Variants in FXYD6 observed in about 807,000 individuals in gnomAD.
FXYD6 encodes FXYD domain-containing ion transport regulator 6.
Under a neutral mutation model 16.7 loss-of-function variants are expected in FXYD6, and 7 were observed. That is an observed-to-expected ratio of 0.42 (90% CI 0.24 to 0.79). The LOEUF (loss-of-function observed/expected upper bound fraction) is 0.79. FXYD6 is among the 30% of genes least tolerant of loss of function. FXYD6 has a pLI of 0.28. For synonymous variants in FXYD6, 49 were observed against 43.0 expected (o/e 1.14, Z -0.54); for missense variants, 111 against 116.2 (o/e 0.95, Z 0.21).
intron 1 of FXYD6, among the ~76,000 whole-genome samples, chr11:117,853,547 G>T (rs956590053): frequency 1.3e-5 from 2 of 152,192 alleles, no homozygotes; most frequent in African/African-American, 4.8e-5. Context: ...ACTCAGGCTG[G>T]AGTATAGTGG....
intron 1 of FXYD6, among the ~76,000 whole-genome samples, chr11:117,848,514 C>T (rs907594498): frequency 6.6e-6 from 1 of 151,682 alleles, no homozygotes; most frequent in East Asian, 1.9e-4. Flanking sequence ...TTGTATTAAC[C>T]TTGCCTGGTT....
chr11:117,858,622 C>CA (rs1387365285), intron 1 of FXYD6, among the ~76,000 whole-genome samples: 1 of 148,876 alleles, frequency 6.7e-6, no homozygotes, highest in Non-Finnish European at 1.5e-5. Flanking sequence ...GATTCTGCTT[C>CA]ATTTTCTTTT....
chr11:117,841,031 C>G, intron 5 of FXYD6, 117 bp downstream of exon 5: 1 of 1,347,436 alleles, frequency 7.4e-7, no homozygotes, highest in South Asian at 1.3e-5. Flanking sequence ...CCAACACACA[C>G]GTTCTGCCTC....
In FXYD6 at chr11:117,839,666, T is replaced by C. The variant is rs117338706; in HGVS notation, c.*21+115A>G. 5.5e-3 allele frequency: 7,036 copies of C among 1,281,846 alleles called. 26 individuals are homozygous for C. The highest frequency in any genetic ancestry group is 7.2e-3 in the Non-Finnish European group (6,397 of 894,312). The allele number at this position is 1,281,846 out of a possible 1,614,324, so 79.4% of individuals were successfully genotyped here. On this transcript the variant is annotated intron_variant, in intron 7 of 7. Coordinates refer to ENST00000526014, the MANE Select transcript of FXYD6 (RefSeq NM_022003.4). ...AGGCTCCTCAGGGCAGGGCCCATAA[T>C]AAAAGCTGTGCCCACTGCAAAAGCT...
chr11:117,838,492 T>C (rs1157587643), intron 7 of FXYD6: 5 of 597,998 alleles, frequency 8.4e-6, no homozygotes, highest in Non-Finnish European at 1.5e-5. Context: ...GGAAAGGAAA[T>C]TGTTAAACCC....
At chr11:117,844,893 T>C (rs1466920132) in intron 1 of FXYD6, among the ~76,000 whole-genome samples, 1 of 152,242 alleles carries the variant, frequency 6.6e-6, no homozygotes, top group Non-Finnish European at 1.5e-5. Flanking sequence ...GCTAGAGATC[T>C]GCTGTATAAC....
rs1301146545 is a variant in FXYD6 at position 117,838,365 on chromosome 11, A to C, written c.*22-88T>G. 8.6e-6 allele frequency: 6 copies of C among 697,094 alleles called. No homozygotes were observed. The African/African-American group carries it at 1.1e-4, about 12-fold the overall frequency. 43.2% of individuals were successfully genotyped at this position (697,094 alleles called of 1,614,324 possible). ...CTCTCCCTTCCTTGAGCACCTGCCC[A>C]CTGAAATTCCCGGTATGACAGCCTC... is the stretch of plus-strand genomic sequence containing the variant. On this transcript the variant is annotated intron_variant, in intron 7 of 7. Transcript: ENST00000526014.
At chr11:117,855,956 T>C (rs777502660) in intron 1 of FXYD6, among the ~76,000 whole-genome samples, 1 of 152,188 alleles carries the variant, frequency 6.6e-6, no homozygotes, top group Non-Finnish European at 1.5e-5. Context: ...CTGCCTCCTC[T>C]AGGGTGTATT....
intron 1 of FXYD6, among the ~76,000 whole-genome samples, chr11:117,847,036 C>T (rs2056486723): frequency 6.6e-6 from 1 of 152,136 alleles, no homozygotes; most frequent in African/African-American, 2.4e-5. Context: ...TTGTTTAGGT[C>T]CTTTTCAATA....
chr11:117,859,566 T>G (rs1245457013), intron 1 of FXYD6, among the ~76,000 whole-genome samples: 2 of 152,224 alleles, frequency 1.3e-5, no homozygotes, highest in African/African-American at 4.8e-5. Context: ...CTTTAAATGC[T>G]TATTCTCACT....
chr11:117,839,176 C>T (rs1444089173), intron 7 of FXYD6: 2 of 153,042 alleles, frequency 1.3e-5, no homozygotes, highest in Non-Finnish European at 2.9e-5. Context: ...TAAACCCCAC[C>T]TGTCCCATCC....
intron 1 of FXYD6, among the ~76,000 whole-genome samples, chr11:117,848,213 TAG>T (rs2056518606): frequency 6.6e-6 from 1 of 152,180 alleles, no homozygotes; most frequent in Non-Finnish European, 1.5e-5. Flanking sequence ...TGATTTTAAA[TAG>T]AGTTTTTCTA....
chr11:117,838,313 G>A (rs516655), intron 7 of FXYD6, 36 bp from the exon 8 acceptor site: 574,180 of 702,284 alleles, frequency 0.82, 236,704 homozygotes, highest in East Asian at 0.98. Context: ...AAAACACTTC[G>A]GCTGCCTCTG....
chr11:117,870,529 C>T lies in FXYD6; in HGVS notation c.-6+6063G>A, dbSNP rs2057111650. On this transcript the variant is annotated intron_variant, in intron 1 of 7. Transcript: ENST00000526014. The surrounding 1 kb of genome is among the most constrained non-coding windows in gnomAD (Gnocchi z 4.2). ...CCCACAGCCAGGCCACAGCACCAGG[C>T]AGCCCCCTTTGCTCTCTCTGCCTAC... Among the ~76,000 whole-genome samples the T allele has an allele frequency of 6.6e-6, 1 of 152,266 alleles. No individual in the cohort carries two copies. The highest frequency in any genetic ancestry group is 2.1e-4 in the South Asian group (1 of 4,834).
rs536433733 is a variant in FXYD6 at position 117,838,096 on chromosome 11, G to A, written c.*203C>T. The A allele has an allele frequency of 2.3e-5, 16 of 690,520 alleles. No homozygotes were observed. Among genetic ancestry groups the A allele is most frequent in the Non-Finnish European group, 4.0e-5 (15 of 377,802 alleles). 42.8% of individuals were successfully genotyped at this position (690,520 alleles called of 1,614,324 possible). ...CGGGAGGTGGGCAGGACCGCAGGCT[G>A]CAGTGGGGAGGCAAGTGTTAGTTGC... On this transcript the variant is annotated 3_prime_UTR_variant, in exon 8 of 8. Transcript: ENST00000526014.
At chr11:117,846,849 G>A (rs544742891) in intron 1 of FXYD6, among the ~76,000 whole-genome samples, 1 of 152,122 alleles carries the variant, frequency 6.6e-6, no homozygotes, top group Admixed American at 6.5e-5. Flanking sequence ...TCTTTCTTCA[G>A]GAATGTCTTC....
rs763982021 is a variant in FXYD6 at position 117,870,008 on chromosome 11, G to A, written c.-6+6584C>T. Among the ~76,000 whole-genome samples, 4 of 152,180 alleles carry A rather than the reference G, an allele frequency of 2.6e-5. No homozygotes were observed. The highest frequency in any genetic ancestry group is 7.2e-5 in the African/African-American group (3 of 41,442). ...CATTCTCTGGGCCCCAGCCTGGTCCGTGGGGCCCCAGCCCCCTTCCCAGGT... is the reference window on the plus strand; with the variant it reads ...CATTCTCTGGGCCCCAGCCTGGTCCATGGGGCCCCAGCCCCCTTCCCAGGT... On this transcript the variant is annotated intron_variant, in intron 1 of 7. Transcript: ENST00000526014. The surrounding 1 kb of genome is among the most constrained non-coding windows in gnomAD (Gnocchi z 4.2).
At chr11:117,867,118 T>C (rs560360622) in intron 1 of FXYD6, among the ~76,000 whole-genome samples, 48 of 152,276 alleles carry the variant, frequency 3.2e-4, no homozygotes, top group South Asian at 2.7e-3. Flanking sequence ...GGTGGAGAAA[T>C]TGGGGGAGAA....
intron 1 of FXYD6, among the ~76,000 whole-genome samples, chr11:117,861,786 C>T (rs1472971831): frequency 6.6e-6 from 1 of 152,192 alleles, no homozygotes; most frequent in African/African-American, 2.4e-5. Flanking sequence ...CCAGGGTCCT[C>T]GTGTGGTCAC....
Sources: gnomAD v4.1 joint callset for allele counts (sites outside exome capture counted in the v4.1 genomes callset) on GRCh38, gnomAD v4.1.1 for gene constraint, Gnocchi (gnomAD v3.1) non-coding constraint, MANE v1.5 for transcripts, NCBI Gene and HGNC (gene_info 2026-07-23, HGNC 2026-07-21) for gene names.